ARHGAP15: variants seen among roughly 807,000 people sequenced by gnomAD.
The protein encoded by ARHGAP15 is rho GTPase-activating protein 15.
In ARHGAP15, 51 loss-of-function variants were observed where a neutral mutation model predicts 63.7. The observed-to-expected ratio is 0.80, with a 90% CI of 0.64 to 1.01. The LOEUF is 1.01. Among genes scored for constraint, ARHGAP15 ranks in the 50% least tolerant of loss-of-function variants. The pLI, the probability that ARHGAP15 is intolerant of heterozygous loss-of-function variation, is 0.00. For missense variants in ARHGAP15, 560 were observed against 564.6 expected (o/e 0.99, Z 0.08); for synonymous variants, 191 against 193.8 (o/e 0.99, Z 0.12).
chr2:143,526,702 T>G (rs1694296652), intron 10 of ARHGAP15, among the ~76,000 whole-genome samples: 1 of 152,104 alleles, frequency 6.6e-6, no homozygotes, highest in South Asian at 2.1e-4. Flanking sequence ...AGCAAATGTT[T>G]ACAAAATTTG....
chr2:143,761,701 A>G (rs915723911), intron 13 of ARHGAP15, among the ~76,000 whole-genome samples: 1 of 152,158 alleles, frequency 6.6e-6, no homozygotes, highest in Admixed American at 6.6e-5. Context: ...GGAAAAACTT[A>G]CCCAGCATAA....
At chr2:143,467,823 TG>T (rs1448613037) in intron 8 of ARHGAP15, among the ~76,000 whole-genome samples, 1 of 152,136 alleles carries the variant, frequency 6.6e-6, no homozygotes, top group Non-Finnish European at 1.5e-5. Context: ...ATGACGATAT[TG>T]GGCACTTAAG....
chr2:143,542,065 C>G (rs1695089657), intron 10 of ARHGAP15, among the ~76,000 whole-genome samples: 1 of 152,230 alleles, frequency 6.6e-6, no homozygotes. Flanking sequence ...CCTACTCAAG[C>G]CTGAGCAATT....
chr2:143,346,204 A>ACACACACACTCTCTCTCT, intron 6 of ARHGAP15, among the ~76,000 whole-genome samples: 1 of 144,626 alleles, frequency 6.9e-6, no homozygotes, highest in South Asian at 2.2e-4. Context: ...TCTCTCTCTC[A>ACACACACACTCTCTCTCT]CACACACACT....
chr2:143,275,141 G>T (rs1681480455), intron 6 of ARHGAP15, among the ~76,000 whole-genome samples: 1 of 152,230 alleles, frequency 6.6e-6, no homozygotes, highest in South Asian at 2.1e-4. Context: ...CCGGACAACA[G>T]AGACTCCATC....
intron 6 of ARHGAP15, among the ~76,000 whole-genome samples, chr2:143,265,604 T>C (rs1191733368): frequency 1.3e-5 from 2 of 152,190 alleles, no homozygotes; most frequent in East Asian, 3.8e-4. Context: ...ATTCCAATAA[T>C]TTCTTAAATT....
chr2:143,371,500 G>A (rs545767085), intron 6 of ARHGAP15, among the ~76,000 whole-genome samples: 22 of 151,986 alleles, frequency 1.4e-4, no homozygotes, highest in South Asian at 4.2e-4. Context: ...ATCCGTCTTC[G>A]TCTCCTCTCC....
chr2:143,207,967 A>T (rs1474713341), intron 3 of ARHGAP15, among the ~76,000 whole-genome samples: 2 of 151,994 alleles, frequency 1.3e-5, no homozygotes. Flanking sequence ...TCATCTCTCC[A>T]ACTCTCCTCA....
At chr2:143,556,144 C>T (rs1228490457) in intron 10 of ARHGAP15, among the ~76,000 whole-genome samples, 1 of 151,966 alleles carries the variant, frequency 6.6e-6, no homozygotes, top group African/African-American at 2.4e-5. Context: ...TGTAAATGAA[C>T]CTTAAATATA....
At chr2:143,506,811 G>A (rs1051992542) in intron 9 of ARHGAP15, among the ~76,000 whole-genome samples, 13 of 152,208 alleles carry the variant, frequency 8.5e-5, no homozygotes, top group African/African-American at 3.1e-4. Flanking sequence ...ACAACCCAGT[G>A]AGAAAATATT....
intron 6 of ARHGAP15, among the ~76,000 whole-genome samples, chr2:143,358,634 A>G (rs1196191064): frequency 6.6e-6 from 1 of 151,314 alleles, no homozygotes; most frequent in African/African-American, 2.4e-5. Context: ...GTCTATAAAT[A>G]TGCTGCATGG....
At chr2:143,766,180 T>C (rs1442204757) in intron 13 of ARHGAP15, among the ~76,000 whole-genome samples, 3 of 152,150 alleles carry the variant, frequency 2.0e-5, no homozygotes, top group Admixed American at 6.5e-5. Context: ...TATCTGTGGT[T>C]TCACTTTCCA....
intron 11 of ARHGAP15, among the ~76,000 whole-genome samples, chr2:143,613,410 T>C (rs1332520774): frequency 6.6e-6 from 1 of 152,182 alleles, no homozygotes; most frequent in Non-Finnish European, 1.5e-5. Context: ...ATAGTCACAC[T>C]TTTATATTTT....
In ARHGAP15 at chr2:143,202,168, T is replaced by A. The variant is rs1336403380; in HGVS notation, c.200T>A (p.Ile67Asn). 5.6e-6 allele frequency: 9 copies of A among 1,612,182 alleles called. No homozygotes were observed. The highest frequency in any genetic ancestry group is 7.6e-6 in the Non-Finnish European group (9 of 1,178,658). ...SRHRRNHSQH[I>N]LKDVIPPLEQ... ...CACAGAAGGAATCATTCACAGCATA[T>A]CTTGAAAGATGTCATTCCTCCATTG... Residue 67 changes from isoleucine to asparagine, a missense_variant, in exon 3 of 14, where the codon ATC becomes AAC. Physicochemically the swap from Ile to Asn is moderately radical, Grantham distance 149. Transcript: ENST00000295095.
At chr2:143,304,319 C>T (rs906465905) in intron 6 of ARHGAP15, among the ~76,000 whole-genome samples, 3 of 152,076 alleles carry the variant, frequency 2.0e-5, no homozygotes, top group Non-Finnish European at 4.4e-5. Flanking sequence ...ATGGATGAAG[C>T]TGGAAACCAT....
At chr2:143,550,557 G>A (rs1407228958) in intron 10 of ARHGAP15, among the ~76,000 whole-genome samples, 2 of 152,192 alleles carry the variant, frequency 1.3e-5, no homozygotes, top group Non-Finnish European at 2.9e-5. Context: ...TATTAACCAC[G>A]TTTCAAGTGG....
chr2:143,164,289 C>T (rs1690413373), intron 2 of ARHGAP15, among the ~76,000 whole-genome samples: 1 of 152,036 alleles, frequency 6.6e-6, no homozygotes, highest in Admixed American at 6.6e-5. Context: ...ATATTAAAAA[C>T]TGATAAGCAG....
At chr2:143,343,619 C>T (rs919567351) in intron 6 of ARHGAP15, among the ~76,000 whole-genome samples, 5 of 151,996 alleles carry the variant, frequency 3.3e-5, no homozygotes, top group African/African-American at 1.2e-4. Context: ...TGAATGATTT[C>T]TCAACGTTAC....
At chr2:143,642,842 G>C (rs1680673354) in intron 12 of ARHGAP15, among the ~76,000 whole-genome samples, 1 of 152,132 alleles carries the variant, frequency 6.6e-6, no homozygotes, top group African/African-American at 2.4e-5. Flanking sequence ...CCAGCCCTGA[G>C]ACCAGGCTGC....
Sources: allele counts gnomAD v4.1 joint callset (sites outside exome capture counted in the v4.1 genomes callset), GRCh38; gene constraint gnomAD v4.1.1; transcripts MANE v1.5; gene names NCBI Gene and HGNC (gene_info 2026-07-23, HGNC 2026-07-21).